Variants in RSRC1 observed in about 807,000 individuals in gnomAD.
The protein encoded by RSRC1 is arginine and serine rich coiled-coil 1.
Under a neutral mutation model 49.1 loss-of-function variants are expected in RSRC1, and 39 were observed. The observed-to-expected ratio is 0.79, with a 90% CI of 0.61 to 1.04. The LOEUF is 1.04. Ranked by LOEUF, RSRC1 falls within the 50% of genes least tolerant of loss-of-function variation. The probability of loss-of-function intolerance (pLI) is 0.00; values close to 1 mark genes in which losing one functional copy is unlikely to be tolerated. For synonymous variants in RSRC1, 143 were observed against 130.8 expected (o/e 1.09, Z -0.63); for missense variants, 388 against 402.4 (o/e 0.96, Z 0.31).
rs151053742 is a variant in RSRC1, at chr3:158,340,153, G to C, written c.532-14704G>C. Among the ~76,000 whole-genome samples, 1,421 of 152,276 alleles carry C rather than the reference G, an allele frequency of 9.3e-3. 20 individuals are homozygous for C. The highest frequency in any genetic ancestry group is 0.033 in the African/African-American group (1,357 of 41,538). On this transcript the variant is annotated intron_variant, in intron 5 of 9. Transcript: ENST00000611884. ...GGAGGTAATTGAATCATGGGGGCTG[G>C]TCTTTCCTGTGCTATTCTCGTGATA...
In RSRC1 at chr3:158,533,448, A is replaced by T. The variant is rs972182468; in HGVS notation, c.653-3644A>T. On this transcript the variant is annotated intron_variant, in intron 7 of 9. Coordinates refer to ENST00000611884, the MANE Select transcript of RSRC1 (RefSeq NM_001271838.2). Reference sequence around the variant, plus strand: ...ATAATTTTTCCAATGCTATTTTGTTAAGCATTGGTTTTGGCAAGCCTCTAT... The same window carrying T: ...ATAATTTTTCCAATGCTATTTTGTTTAGCATTGGTTTTGGCAAGCCTCTAT... 2.6e-5 allele frequency among the ~76,000 whole-genome samples: 4 copies of T among 151,644 alleles called. No individual in the cohort carries two copies. In the East Asian group the frequency reaches 7.8e-4, roughly 29 times the overall value.
intron 4 of RSRC1, among the ~76,000 whole-genome samples, chr3:158,230,323 A>T (rs995726462): frequency 6.6e-6 from 1 of 152,150 alleles, no homozygotes; most frequent in Non-Finnish European, 1.5e-5. Flanking sequence ...ATTAATGGCA[A>T]TGTTAACTTT....
At position 158,340,496 on chromosome 3, in the gene RSRC1, A is replaced by G. The variant is rs529643848; in HGVS notation, c.532-14361A>G. ...GCGGAGGTTGCAGTGAGCTGAGATCACACCACTGCACTCCAGCCTGGGCGA... is the reference window on the plus strand; with the variant it reads ...GCGGAGGTTGCAGTGAGCTGAGATCGCACCACTGCACTCCAGCCTGGGCGA... On this transcript the variant is annotated intron_variant, in intron 5 of 9. Coordinates refer to ENST00000611884, the MANE Select transcript of RSRC1 (RefSeq NM_001271838.2). Among the ~76,000 whole-genome samples the G allele has an allele frequency of 5.9e-5, 9 of 152,208 alleles. No individual in the cohort carries two copies. In the East Asian group the frequency reaches 1.7e-3, roughly 29 times the overall value.
At chr3:158,172,156 G>A (rs1312297699) in intron 3 of RSRC1, among the ~76,000 whole-genome samples, 1 of 152,106 alleles carries the variant, frequency 6.6e-6, no homozygotes, top group Non-Finnish European at 1.5e-5. Context: ...ATTTGAAGAA[G>A]TAATGGCTAA....
chr3:158,229,366 ACG>A, intron 4 of RSRC1, among the ~76,000 whole-genome samples: 1 of 109,370 alleles, frequency 9.1e-6, no homozygotes, highest in African/African-American at 3.0e-5. Flanking sequence ...ACATATACAC[ACG>A]TATATGTGTA....
At chr3:158,168,651 T>A (rs752288861) in intron 3 of RSRC1, among the ~76,000 whole-genome samples, 12 of 152,196 alleles carry the variant, frequency 7.9e-5, no homozygotes, top group Admixed American at 1.3e-4. Context: ...TTACTATTCG[T>A]TAAGATTATA....
chr3:158,318,299 C>T (rs1265671717), intron 5 of RSRC1, among the ~76,000 whole-genome samples: 1 of 152,118 alleles, frequency 6.6e-6, no homozygotes, highest in East Asian at 1.9e-4. Context: ...TAGCAATACA[C>T]AGGAACACAG....
intron 7 of RSRC1, among the ~76,000 whole-genome samples, chr3:158,508,357 G>A (rs1739969785): frequency 6.6e-6 from 1 of 151,434 alleles, no homozygotes; most frequent in Non-Finnish European, 1.5e-5. Context: ...TTTTGTGTGT[G>A]TGTCTCTGTA....
rs142266258 is a variant in RSRC1 at position 158,287,813 on chromosome 3, G to T, written c.495-10226G>T. Among the ~76,000 whole-genome samples, 14 of 152,310 alleles carry T rather than the reference G, an allele frequency of 9.2e-5. No individual in the cohort carries two copies. The East Asian group carries it at 2.7e-3, about 29-fold the overall frequency. On this transcript the variant is annotated intron_variant, in intron 4 of 9. Coordinates refer to ENST00000611884, the MANE Select transcript of RSRC1 (RefSeq NM_001271838.2). ...ATATTGAAGCTATTATCTTTGGCTA[G>T]TGGAATTTCAGGTGACTTTTATTTT...
intron 4 of RSRC1, among the ~76,000 whole-genome samples, chr3:158,288,383 C>T (rs182304088): frequency 6.6e-6 from 1 of 152,292 alleles, no homozygotes; most frequent in African/African-American, 2.4e-5. Flanking sequence ...TGGGGGGTGA[C>T]GGTGAATAGC....
Position 158,337,319 on chromosome 3 carries a change from C to T in RSRC1, c.532-17538C>T, listed in dbSNP as rs537765965. On this transcript the variant is annotated intron_variant, in intron 5 of 9. Transcript: ENST00000611884. ...CAACTAAAATCAGTCTCATGTGATC[C>T]GTTTTTTCTGTCCCCAGTCCCACAT... is the stretch of plus-strand genomic sequence containing the variant. Among the ~76,000 whole-genome samples, 14 of 152,238 alleles carry T rather than the reference C, an allele frequency of 9.2e-5. No individual in the cohort carries two copies. In the South Asian group the frequency reaches 2.3e-3, roughly 25 times the overall value.
At chr3:158,175,766 G>T (rs996878769) in intron 3 of RSRC1, among the ~76,000 whole-genome samples, 1 of 152,076 alleles carries the variant, frequency 6.6e-6, no homozygotes, top group African/African-American at 2.4e-5. Context: ...CGTAGATTTG[G>T]TCTTTTTACA....
At chr3:158,301,540 CTTATAACA>C (rs1250041987) in intron 5 of RSRC1, among the ~76,000 whole-genome samples, 66 of 152,190 alleles carry the variant, frequency 4.3e-4, no homozygotes, top group African/African-American at 1.5e-3. Flanking sequence ...CTTCTGGGTT[CTTATAACA>C]AGTGAGAACT....
At chr3:158,435,903 T>C (rs1337358336) in intron 6 of RSRC1, among the ~76,000 whole-genome samples, 1 of 151,776 alleles carries the variant, frequency 6.6e-6, no homozygotes, top group Non-Finnish European at 1.5e-5. Context: ...TTATGCCAGA[T>C]TTTATATCTG....
intron 4 of RSRC1, among the ~76,000 whole-genome samples, chr3:158,249,867 TATTA>T (rs1022176993): frequency 6.6e-6 from 1 of 152,182 alleles, no homozygotes; most frequent in African/African-American, 2.4e-5. Flanking sequence ...TGTAATAAAT[TATTA>T]ATTACTGTAG....
At chr3:158,134,679 G>C (rs1246540708) in intron 3 of RSRC1, among the ~76,000 whole-genome samples, 1 of 152,110 alleles carries the variant, frequency 6.6e-6, no homozygotes, top group Non-Finnish European at 1.5e-5. Flanking sequence ...TGATTAGTCT[G>C]ACTTTTGTCC....
chr3:158,543,623 T>A, intron 9 of RSRC1, 136 bp downstream of exon 9: 3 of 873,826 alleles, frequency 3.4e-6, no homozygotes, highest in Non-Finnish European at 5.1e-6. Context: ...AAAATAGGCA[T>A]CTGGCCCCCA....
At chr3:158,361,386 A>G (rs1008205821) in intron 6 of RSRC1, among the ~76,000 whole-genome samples, 40 of 152,268 alleles carry the variant, frequency 2.6e-4, no homozygotes, top group African/African-American at 9.4e-4. Flanking sequence ...GTCCAGAGCC[A>G]CAGAGGCTCT....
Position 158,477,309 on chromosome 3 carries a change from A to G in RSRC1, c.652+16306A>G, listed in dbSNP as rs555390464. Among the ~76,000 whole-genome samples, 4 of 152,280 alleles carry G rather than the reference A, an allele frequency of 2.6e-5. No individual in the cohort carries two copies. The South Asian group carries it at 8.3e-4, about 32-fold the overall frequency. On this transcript the variant is annotated intron_variant, in intron 7 of 9. Transcript: ENST00000611884. ...GAAGTTCTACAATAAATAAAATGCT[A>G]TCCAACAGCATCACATGCTATAGAG... is the stretch of plus-strand genomic sequence containing the variant.
Sources: allele counts gnomAD v4.1 joint callset (sites outside exome capture counted in the v4.1 genomes callset), GRCh38; gene constraint gnomAD v4.1.1; transcripts MANE v1.5; gene names NCBI Gene and HGNC (gene_info 2026-07-23, HGNC 2026-07-21).